DLG2: variants seen among roughly 807,000 people sequenced by gnomAD.
DLG2 encodes discs large MAGUK scaffold protein 2.
Under a neutral mutation model 132.5 loss-of-function variants are expected in DLG2, and 45 were observed. That is an observed-to-expected ratio of 0.34 (90% CI 0.27 to 0.44). The LOEUF is 0.44. Ranked by LOEUF, DLG2 falls within the 20% of genes least tolerant of loss-of-function variation. The probability of loss-of-function intolerance (pLI) is 1.00; values close to 1 mark genes in which losing one functional copy is unlikely to be tolerated. For missense variants in DLG2, 1,045 were observed against 1,196.9 expected, an observed-to-expected ratio of 0.87 and a Z score of 1.87; for synonymous variants, 424 against 419.6, an observed-to-expected ratio of 1.01 and a Z score of -0.13.
chr11:83,895,729 A>T (rs1208810007), intron 15 of DLG2, among the ~76,000 whole-genome samples: 2 of 152,184 alleles, frequency 1.3e-5, no homozygotes, highest in Admixed American at 6.5e-5. Context: ...AGATTCAGGA[A>T]AAGAATTTGC....
chr11:84,799,223 A>G (rs2075064095), intron 6 of DLG2, among the ~76,000 whole-genome samples: 1 of 152,118 alleles, frequency 6.6e-6, no homozygotes, highest in African/African-American at 2.4e-5. Context: ...GAGCCTTGCT[A>G]AGAAATTCAA....
chr11:83,729,535 A>G (rs2090609469), intron 18 of DLG2, among the ~76,000 whole-genome samples: 1 of 152,200 alleles, frequency 6.6e-6, no homozygotes, highest in Non-Finnish European at 1.5e-5. Flanking sequence ...GATAGTACAC[A>G]TGTGGAGGAC....
intron 4 of DLG2, among the ~76,000 whole-genome samples, chr11:85,257,378 A>G (rs2152707475): frequency 6.6e-6 from 1 of 152,364 alleles, no homozygotes; most frequent in African/African-American, 2.4e-5. Flanking sequence ...GTGTATGAGA[A>G]AGAAAACATA....
chr11:83,803,917 T>A (rs890684389), intron 17 of DLG2, among the ~76,000 whole-genome samples: 3 of 152,162 alleles, frequency 2.0e-5, no homozygotes, highest in African/African-American at 7.2e-5. Flanking sequence ...GGCTGCTGCA[T>A]GTGGGACTCA....
chr11:84,193,115 A>G (rs1352888261), intron 8 of DLG2, among the ~76,000 whole-genome samples: 3 of 152,254 alleles, frequency 2.0e-5, no homozygotes, highest in Non-Finnish European at 2.9e-5. Context: ...GGTCTTGGAC[A>G]GTGGTACTGG....
chr11:85,562,915 G>C (rs976479144), intron 3 of DLG2, among the ~76,000 whole-genome samples: 1 of 151,792 alleles, frequency 6.6e-6, no homozygotes, highest in Non-Finnish European at 1.5e-5. Context: ...ACATAGAGAA[G>C]GGAGTGCCTA....
intron 3 of DLG2, among the ~76,000 whole-genome samples, chr11:85,515,086 G>T (rs1349077364): frequency 6.6e-6 from 1 of 151,880 alleles, no homozygotes; most frequent in Non-Finnish European, 1.5e-5. Context: ...TATGGCTGTA[G>T]TCAGATAACT....
chr11:85,151,525 T>A (rs1261866241), intron 5 of DLG2, among the ~76,000 whole-genome samples: 1 of 152,204 alleles, frequency 6.6e-6, no homozygotes, highest in African/African-American at 2.4e-5. Flanking sequence ...GAGTTTAAAG[T>A]CTTACTTATA....
intron 6 of DLG2, among the ~76,000 whole-genome samples, chr11:84,811,711 C>T (rs1566027947): frequency 6.6e-6 from 1 of 152,054 alleles, no homozygotes. Context: ...ATTTATATAT[C>T]CATTTATTTA....
chr11:85,358,088 AAAAC>A (rs1202183646), intron 3 of DLG2, among the ~76,000 whole-genome samples: 9 of 152,094 alleles, frequency 5.9e-5, no homozygotes, highest in Non-Finnish European at 1.3e-4. Context: ...AATCGCCTGA[AAAAC>A]AAAAAAAAGA....
intron 18 of DLG2, among the ~76,000 whole-genome samples, chr11:83,720,463 G>A (rs2088192090): frequency 6.6e-6 from 1 of 151,800 alleles, no homozygotes; most frequent in South Asian, 2.1e-4. Flanking sequence ...AAAGCCCAGG[G>A]AAATAATAAT....
intron 6 of DLG2, among the ~76,000 whole-genome samples, chr11:84,987,307 G>T (rs886932399): frequency 2.0e-5 from 3 of 152,056 alleles, no homozygotes; most frequent in Non-Finnish European, 2.9e-5. Context: ...TGATTAGGTA[G>T]AATCAATATT....
In DLG2 at chr11:84,241,128, C is replaced by A. The variant is rs554565613; in HGVS notation, c.573+10110G>T. On this transcript the variant is annotated intron_variant, in intron 8 of 27. Transcript: ENST00000376104. ...GTCTTTTTATTCTTTAAGAGCTAGA[C>A]AAAATTCTCCCTTTCTCTGATTCCT... Among the ~76,000 whole-genome samples, 104 of 152,324 alleles carry A rather than the reference C, an allele frequency of 6.8e-4. 2 individuals carry two copies. The South Asian group carries it at 0.019, about 29-fold the overall frequency.
intron 6 of DLG2, among the ~76,000 whole-genome samples, chr11:84,659,066 T>C (rs1595077641): frequency 6.6e-6 from 1 of 152,320 alleles, no homozygotes. Flanking sequence ...CCACTTAGTC[T>C]ATAGTATTCT....
chr11:83,903,329 A>G (rs770067541), intron 15 of DLG2, among the ~76,000 whole-genome samples: 9 of 152,074 alleles, frequency 5.9e-5, no homozygotes, highest in Non-Finnish European at 1.2e-4. Context: ...GTAGGAAAAA[A>G]CCTATCAGAC....
At chr11:84,134,209 G>T (rs1483816701) in intron 9 of DLG2, among the ~76,000 whole-genome samples, 1 of 150,468 alleles carries the variant, frequency 6.6e-6, no homozygotes, top group East Asian at 1.9e-4. Flanking sequence ...GGGTGCTACA[G>T]TAACATCTAG....
At chr11:85,467,543 C>T (rs964340485) in intron 3 of DLG2, among the ~76,000 whole-genome samples, 1 of 152,102 alleles carries the variant, frequency 6.6e-6, no homozygotes, top group Non-Finnish European at 1.5e-5. Flanking sequence ...TTGTCAAAGG[C>T]CTTTTCTGCA....
intron 3 of DLG2, among the ~76,000 whole-genome samples, chr11:85,429,384 T>C (rs904092578): frequency 1.3e-5 from 2 of 152,086 alleles, no homozygotes; most frequent in Non-Finnish European, 2.9e-5. Flanking sequence ...CTAAAGAGCT[T>C]CTGCACGGCA....
At chr11:83,664,349 C>T (rs779524158) in intron 18 of DLG2, among the ~76,000 whole-genome samples, 24 of 151,486 alleles carry the variant, frequency 1.6e-4, no homozygotes, top group Non-Finnish European at 2.6e-4. Flanking sequence ...GTAAGCTTCG[C>T]GGTGTCTGAT....
Sources: gnomAD v4.1 joint callset for allele counts (sites outside exome capture counted in the v4.1 genomes callset) on GRCh38, gnomAD v4.1.1 for gene constraint, MANE v1.5 for transcripts, NCBI Gene and HGNC (gene_info 2026-07-23, HGNC 2026-07-21) for gene names.